SIN3B: variants seen among roughly 807,000 people sequenced by gnomAD.
The protein encoded by SIN3B is SIN3 transcription regulator family member B.
In SIN3B, 19 loss-of-function variants were observed where a neutral mutation model predicts 120.2. The observed-to-expected ratio is 0.16, with a 90% CI of 0.11 to 0.23. The LOEUF (loss-of-function observed/expected upper bound fraction) is 0.23. SIN3B is among the 10% of genes least tolerant of loss of function. The pLI is 1.00. For missense variants in SIN3B, 1,073 were observed against 1,573.0 expected, an observed-to-expected ratio of 0.68 and a Z score of 5.38; for synonymous variants, 654 against 653.2, an observed-to-expected ratio of 1.00 and a Z score of -0.02.
chr19:16,847,304 C>T (rs1043635529), intron 5 of SIN3B, among the ~76,000 whole-genome samples, 191 bp downstream of exon 5: 3 of 152,216 alleles, frequency 2.0e-5, no homozygotes, highest in Non-Finnish European at 2.9e-5. Context: ...AGCTCGTAAA[C>T]GATTTGCCAA....
At chr19:16,852,785 G>T (rs1971562553) in intron 6 of SIN3B, among the ~76,000 whole-genome samples, 1 of 152,160 alleles carries the variant, frequency 6.6e-6, no homozygotes, top group African/African-American at 2.4e-5. Context: ...GTAGCCAGGG[G>T]CACATCCCCC....
At chr19:16,841,304 C>T (rs746584313) in intron 3 of SIN3B, among the ~76,000 whole-genome samples, 3 of 152,116 alleles carry the variant, frequency 2.0e-5, no homozygotes, top group Admixed American at 1.3e-4. Flanking sequence ...GACAGTGGGT[C>T]GCCTCTAACC....
intron 5 of SIN3B, among the ~76,000 whole-genome samples, chr19:16,848,818 T>C (rs1293803228): frequency 1.3e-5 from 2 of 152,154 alleles, no homozygotes; most frequent in Non-Finnish European, 2.9e-5. Context: ...ATTTTTTAAT[T>C]GTAGAGACAG....
intron 12 of SIN3B, among the ~76,000 whole-genome samples, chr19:16,867,863 G>T (rs560814412): frequency 6.6e-6 from 1 of 152,108 alleles, no homozygotes; most frequent in Non-Finnish European, 1.5e-5. Flanking sequence ...AGTCCTCGGC[G>T]ATCCTCAAGC....
rs771994209 is a variant in SIN3B at position 16,876,265 on chromosome 19, G to T, written c.2766+37G>T. ...CCTGGGGCTGGGAACACGCCGGGAGGCCCGGCCGCTCACTCCGCTCTGGAC... is the reference window on the plus strand; with the variant it reads ...CCTGGGGCTGGGAACACGCCGGGAGTCCCGGCCGCTCACTCCGCTCTGGAC... On this transcript the variant is annotated intron_variant, in intron 15 of 18. Transcript: ENST00000248054. The surrounding 1 kb of genome is among the most constrained non-coding windows in gnomAD (Gnocchi z 7.1). The T allele has an allele frequency of 5.4e-4, 858 of 1,585,628 alleles. No homozygotes were observed. The highest frequency in any genetic ancestry group is 7.1e-4 in the Non-Finnish European group (824 of 1,163,464).
chr19:16,877,709 C>T (rs1019875278), intron 17 of SIN3B, 70 bp downstream of exon 17: 12 of 1,119,146 alleles, frequency 1.1e-5, no homozygotes, highest in South Asian at 2.6e-5. Flanking sequence ...TTTGTCCTGA[C>T]GGGGGCTGGA....
At chr19:16,842,893 G>T (rs540188489) in intron 4 of SIN3B, among the ~76,000 whole-genome samples, 1 of 152,338 alleles carries the variant, frequency 6.6e-6, no homozygotes, top group East Asian at 1.9e-4. Flanking sequence ...CCTGGAGGAA[G>T]GGTGGACATT....
chr19:16,852,873 A>G (rs1458867811), intron 6 of SIN3B, among the ~76,000 whole-genome samples, 196 bp from the exon 7 acceptor site: 2 of 152,136 alleles, frequency 1.3e-5, no homozygotes, highest in Non-Finnish European at 2.9e-5. Flanking sequence ...CAGATTTGGC[A>G]GTGGCAGGTA....
intron 14 of SIN3B, among the ~76,000 whole-genome samples, chr19:16,874,176 G>A (rs1263861859): frequency 2.0e-5 from 3 of 152,246 alleles, no homozygotes; most frequent in Non-Finnish European, 1.5e-5. Flanking sequence ...GGAACAGCCT[G>A]CACTCAGGCC....
At position 16,862,414 on chromosome 19, in the gene SIN3B, C is replaced by A; in HGVS notation, c.1121C>A (p.Ala374Glu). 2 of 1,614,136 alleles carry A rather than the reference C, an allele frequency of 1.2e-6. No homozygotes were observed. The highest frequency in any genetic ancestry group is 1.7e-6 in the Non-Finnish European group (2 of 1,180,032). Residue 374 changes from alanine (A) to glutamate (E), a missense_variant, in exon 9 of 19, where the codon GCG (alanine) becomes GAG (glutamate). By Grantham distance (107) the Ala-to-Glu change is moderately radical. Transcript: ENST00000248054. The surrounding 1 kb of genome is among the most constrained non-coding windows in gnomAD (Gnocchi z 4.7). ...CTGGGGGTAAAAGAGCTGTCCTTCG[C>A]GCCACCCATGAGCGACAGATCCGGG... ...SFLGVKELSF[A>E]PPMSDRSGDG...
At position 16,869,801 on chromosome 19, in the gene SIN3B, C is replaced by A; in HGVS notation, c.2148C>A (p.Phe716Leu). The A allele has an allele frequency of 1.2e-6, 2 of 1,613,636 alleles. No individual in the cohort carries two copies. The highest frequency in any genetic ancestry group is 4.5e-5 in the East Asian group (2 of 44,876). The change falls in exon 13 of 19, where the codon TTC becomes TTA. Residue 716 changes from phenylalanine to leucine, a missense_variant. Transcript: ENST00000248054. Reference sequence around the variant, plus strand: ...GCCCCCCAGAGGAGAAGGGGGCCTTCGGGGATGCCCCGGCCACTGAGCAGC... The same window carrying A: ...GCCCCCCAGAGGAGAAGGGGGCCTTAGGGGATGCCCCGGCCACTGAGCAGC... ...HSSPPEEKGA[F>L]GDAPATEQPP... is the part of the protein sequence containing the mutation.
intron 11 of SIN3B, among the ~76,000 whole-genome samples, chr19:16,865,924 C>T (rs1971765446): frequency 6.6e-6 from 1 of 152,178 alleles, no homozygotes; most frequent in Non-Finnish European, 1.5e-5. Context: ...GAGTCAGATG[C>T]GACCACTACA....
chr19:16,880,113 G>C lies in SIN3B; in HGVS notation c.*1386G>C, dbSNP rs1056043320. 2 of 152,228 alleles carry C rather than the reference G, an allele frequency of 1.3e-5. No individual in the cohort carries two copies. Among genetic ancestry groups the C allele is most frequent in the African/African-American group, 2.4e-5 (1 of 41,442 alleles). The allele number at this position is 152,228 out of a possible 1,614,324, so 9.4% of individuals were successfully genotyped here. A position where few individuals can be genotyped will look rare whatever the true frequency, so the allele number is the denominator to read the frequency against. Reference sequence around the variant, plus strand: ...TTCTAAGAAGGGAACTTGCCATCAAGATTCCTGTACCAGGCCCACGGCCGT... The same window carrying C: ...TTCTAAGAAGGGAACTTGCCATCAACATTCCTGTACCAGGCCCACGGCCGT... On this transcript the variant is annotated 3_prime_UTR_variant, in exon 19 of 19. Transcript: ENST00000248054.
In SIN3B at chr19:16,876,257, G is replaced by T. The variant is rs147315584; in HGVS notation, c.2766+29G>T. The T allele has an allele frequency of 1.1e-5, 17 of 1,592,538 alleles. No homozygotes were observed. Among genetic ancestry groups the T allele is most frequent in the Non-Finnish European group, 1.4e-5 (16 of 1,167,144 alleles). On this transcript the variant is annotated intron_variant, in intron 15 of 18. Coordinates refer to ENST00000248054, the MANE Select transcript of SIN3B (RefSeq NM_001297595.2). This position sits in a 1 kb window ranked among gnomAD's most constrained non-coding sequence, Gnocchi z 7.1. ...AGAGGAGGCCTGGGGCTGGGAACAC[G>T]CCGGGAGGCCCGGCCGCTCACTCCG...
intron 10 of SIN3B, among the ~76,000 whole-genome samples, chr19:16,864,233 G>T (rs1014614770): frequency 6.6e-6 from 1 of 152,088 alleles, no homozygotes; most frequent in Non-Finnish European, 1.5e-5. Flanking sequence ...GGCCGAGGCT[G>T]CAGTGAGCCG....
rs534400447 is a variant in SIN3B at position 16,830,189 on chromosome 19, T to G, written c.227+292T>G. On this transcript the variant is annotated intron_variant, in intron 2 of 18. Transcript: ENST00000248054. ...ATCCTGCCTTGATTTAATATGTTGATTTTTATATTAGTTTTGTTCATGAAA... is the reference window on the plus strand; with the variant it reads ...ATCCTGCCTTGATTTAATATGTTGAGTTTTATATTAGTTTTGTTCATGAAA... 9.8e-5 allele frequency among the ~76,000 whole-genome samples: 15 copies of G among 152,288 alleles called. No individual in the cohort carries two copies. The South Asian group carries it at 3.1e-3, about 32-fold the overall frequency.
intron 2 of SIN3B, 90 bp downstream of exon 2, chr19:16,829,987 C>T: frequency 1.2e-6 from 1 of 847,898 alleles, no homozygotes; most frequent in Non-Finnish European, 2.0e-6. Flanking sequence ...CAGCCTGCCC[C>T]CTTAGCCGGG....
rs1201207843 is a variant in SIN3B, at chr19:16,878,762, G to C, written c.*35G>C. On this transcript the variant is annotated 3_prime_UTR_variant, in exon 19 of 19. Transcript: ENST00000248054. ...ATGGGCACCGGGCAGGCGCCTCACA[G>C]AGCACAGACGTGCCCTCGGCCTTGG... 2.0e-6 allele frequency: 3 copies of C among 1,536,344 alleles called. No homozygotes were observed. The East Asian group carries it at 7.2e-5, about 37-fold the overall frequency.
At chr19:16,843,050 C>T (rs1396442392) in intron 4 of SIN3B, among the ~76,000 whole-genome samples, 2 of 152,192 alleles carry the variant, frequency 1.3e-5, no homozygotes, top group African/African-American at 4.8e-5. Flanking sequence ...CCTCTTCACC[C>T]AGACGTGGAG....
Sources: allele counts gnomAD v4.1 joint callset (sites outside exome capture counted in the v4.1 genomes callset), GRCh38; gene constraint gnomAD v4.1.1; non-coding constraint Gnocchi (gnomAD v3.1); transcripts MANE v1.5; gene names NCBI Gene and HGNC (gene_info 2026-07-23, HGNC 2026-07-21).